SCN2A: variants seen among roughly 807,000 people sequenced by gnomAD.
SCN2A encodes the protein sodium voltage-gated channel alpha subunit 2, also known as sodium channel protein type 2 subunit alpha.
A neutral mutation model predicts 188.7 loss-of-function variants in SCN2A; 20 were observed. That is an observed-to-expected ratio of 0.11 (90% CI 0.07 to 0.15). SCN2A has a LOEUF of 0.15. Among genes scored for constraint, SCN2A ranks in the 10% least tolerant of loss-of-function variants. The pLI, the probability that SCN2A is intolerant of heterozygous loss-of-function variation, is 1.00. For missense variants in SCN2A, 1,278 were observed against 2,445.0 expected (o/e 0.52, Z 10.07); for synonymous variants, 804 against 833.1 (o/e 0.97, Z 0.60).
chr2:165,249,249 A>G (rs1394696392), intron 1 of SCN2A, among the ~76,000 whole-genome samples: 1 of 152,084 alleles, frequency 6.6e-6, no homozygotes, highest in Non-Finnish European at 1.5e-5. Flanking sequence ...CATACACTTA[A>G]AATTTAATAC....
intron 1 of SCN2A, chr2:165,294,194 T>A (rs1009787252): frequency 1.3e-5 from 10 of 787,836 alleles, no homozygotes; most frequent in Non-Finnish European, 1.5e-5. Flanking sequence ...ACCTTTACAG[T>A]AGTAGAATCC....
chr2:165,267,480 A>G (rs1012746046), intron 1 of SCN2A: 19 of 151,978 alleles, frequency 1.3e-4, no homozygotes, highest in African/African-American at 4.6e-4. Flanking sequence ...CTCACACTAT[A>G]TACAAAAATC....
chr2:165,239,485 CATCCTTT>C lies in SCN2A; in HGVS notation c.-206_-200del, dbSNP rs1267100916. 4.2e-6 allele frequency: 1 copy of C among 239,314 alleles called. No homozygotes were observed. The highest frequency in any genetic ancestry group is 6.5e-5 in the Admixed American group (1 of 15,334). 14.8% of individuals were successfully genotyped at this position (239,314 alleles called of 1,614,324 possible). The stretch of plus-strand genomic sequence containing the variant: ...GGCAAAGGAGGGAGGATGCTGTGGT[CATCCTTT>C]CTTGTTTTTTTCTTCTTTAATGAGG... On this transcript the variant is annotated 5_prime_UTR_variant, in exon 1 of 27. The change creates a premature stop within an existing upstream ORF in the 5' untranslated region. Coordinates refer to ENST00000375437, the MANE Select transcript of SCN2A (RefSeq NM_001040142.2).
intron 11 of SCN2A, among the ~76,000 whole-genome samples, chr2:165,319,770 C>T (rs1368417724): frequency 6.6e-6 from 1 of 152,144 alleles, no homozygotes; most frequent in Non-Finnish European, 1.5e-5. Context: ...ATGGGGAAAA[C>T]CCCTACCATG....
At chr2:165,340,239 G>A (rs1176536533) in intron 14 of SCN2A, among the ~76,000 whole-genome samples, 2 of 152,064 alleles carry the variant, frequency 1.3e-5, no homozygotes, top group Non-Finnish European at 2.9e-5. Flanking sequence ...AAAATTTATT[G>A]GAAAACAGAC....
chr2:165,388,601 AT>A, intron 26 of SCN2A, 27 bp from the exon 27 acceptor site: 1 of 1,613,460 alleles, frequency 6.2e-7, no homozygotes, highest in Non-Finnish European at 8.5e-7. Context: ...GTATAACAAT[AT>A]TTTTGTTATT....
Position 165,387,009 on chromosome 2 carries a change from C to T in SCN2A, c.4815C>T (p.Ser1605=). 1 of 1,613,470 alleles carries T rather than the reference C, an allele frequency of 6.2e-7. No homozygotes were observed. Residue 1605 remains serine, a synonymous_variant, in exon 26 of 27, where the codon TCC becomes TCT. Transcript: ENST00000375437. ...TTGATTTTGTGGTGGTCATTCTCTC[C>T]ATTGTAGGTAAGAAGAGGTGCTTTT... ...NIFDFVVVIL[S]IVGMFLAELI...
chr2:165,366,051 T>C (rs905194976), intron 18 of SCN2A, among the ~76,000 whole-genome samples: 5 of 152,192 alleles, frequency 3.3e-5, no homozygotes, highest in African/African-American at 1.2e-4. Flanking sequence ...TGTATCATTG[T>C]TTCTCTATTC....
At chr2:165,251,238 G>T (rs1239125774) in intron 1 of SCN2A, among the ~76,000 whole-genome samples, 2 of 152,026 alleles carry the variant, frequency 1.3e-5, no homozygotes, top group African/African-American at 4.8e-5. Flanking sequence ...GTTGCTGAGT[G>T]GCTCATAGAC....
At chr2:165,315,213 T>G (rs1182169167) in intron 10 of SCN2A, among the ~76,000 whole-genome samples, 1 of 152,200 alleles carries the variant, frequency 6.6e-6, no homozygotes, top group Admixed American at 6.5e-5. Flanking sequence ...CTTGCTCATA[T>G]TATTAGATAA....
chr2:165,328,441 G>A (rs1698483790), intron 13 of SCN2A: 2 of 981,958 alleles, frequency 2.0e-6, no homozygotes, highest in Non-Finnish European at 2.4e-6. Flanking sequence ...TCCGCTCCTT[G>A]CCATAGCAAA....
intron 25 of SCN2A, among the ~76,000 whole-genome samples, chr2:165,384,594 T>A (rs1162677920): frequency 6.6e-6 from 1 of 152,072 alleles, no homozygotes; most frequent in African/African-American, 2.4e-5. Context: ...CTTACTATAC[T>A]CTAGGAGCCA....
At chr2:165,261,624 A>T (rs974800331) in intron 1 of SCN2A, among the ~76,000 whole-genome samples, 6 of 152,232 alleles carry the variant, frequency 3.9e-5, no homozygotes, top group African/African-American at 1.4e-4. Flanking sequence ...GTTGAGATCA[A>T]TTTGGGACGT....
rs374951365 is a variant in SCN2A, at chr2:165,297,110, T to G, written c.361T>G (p.Leu121Val). ...ILTPFNPIRK[L>V]AIKILVHSLF... ...AACTCCCTTCAACCCTATTAGAAAA[T>G]TAGCTATTAAGATTTTGGTACATTC... Residue 121 changes from leucine (L) to valine (V), a missense_variant, in exon 3 of 27, where the codon TTA (leucine) becomes GTA (valine). Transcript: ENST00000375437. The G allele has an allele frequency of 3.1e-6, 5 of 1,602,786 alleles. No individual in the cohort carries two copies. Among genetic ancestry groups the G allele is most frequent in the Non-Finnish European group, 4.3e-6 (5 of 1,170,194 alleles).
intron 16 of SCN2A, among the ~76,000 whole-genome samples, chr2:165,350,788 G>T: frequency 6.6e-6 from 1 of 152,096 alleles, no homozygotes; most frequent in East Asian, 1.9e-4. Flanking sequence ...TTCTTAAATT[G>T]TCATGGATCA....
At chr2:165,276,156 T>C (rs1370801845) in intron 1 of SCN2A, among the ~76,000 whole-genome samples, 3 of 152,232 alleles carry the variant, frequency 2.0e-5, no homozygotes, top group African/African-American at 7.2e-5. Flanking sequence ...TTTTTTTGTT[T>C]GTTTGTTTTG....
At position 165,362,896 on chromosome 2, in the gene SCN2A, T is replaced by A. The variant is rs376262900; in HGVS notation, c.3400-2247T>A. ...GATGGAAGAAATTAGGAGTCCAGAT[T>A]TATTGGGGAGACTTTATGAAAGCAA... On this transcript the variant is annotated intron_variant, in intron 17 of 26. Coordinates refer to ENST00000375437, the MANE Select transcript of SCN2A (RefSeq NM_001040142.2). Among the ~76,000 whole-genome samples, 3 of 152,144 alleles carry A rather than the reference T, an allele frequency of 2.0e-5. No homozygotes were observed. In the East Asian group the frequency reaches 5.8e-4, roughly 29 times the overall value.
chr2:165,356,252 C>T (rs1700174825), intron 17 of SCN2A, among the ~76,000 whole-genome samples: 1 of 152,092 alleles, frequency 6.6e-6, no homozygotes, highest in Non-Finnish European at 1.5e-5. Flanking sequence ...AGTAATAAAA[C>T]CTTCTGTCCT....
chr2:165,348,096 C>T (rs962323157), intron 16 of SCN2A, among the ~76,000 whole-genome samples: 5 of 152,128 alleles, frequency 3.3e-5, no homozygotes, highest in Non-Finnish European at 7.4e-5. Context: ...CAGTGGCTCA[C>T]GCCTGTAATC....
Sources: allele counts gnomAD v4.1 joint callset (sites outside exome capture counted in the v4.1 genomes callset), GRCh38; gene constraint gnomAD v4.1.1; transcripts MANE v1.5; gene names NCBI Gene and HGNC (gene_info 2026-07-23, HGNC 2026-07-21).